PLS1: variants seen among roughly 807,000 people sequenced by gnomAD.
PLS1 encodes the protein plastin-1.
Under a neutral mutation model 73.7 loss-of-function variants are expected in PLS1, and 32 were observed. That is an observed-to-expected ratio of 0.43 (90% CI 0.33 to 0.58). PLS1 has a LOEUF of 0.58. Ranked by LOEUF, PLS1 falls within the 20% of genes least tolerant of loss-of-function variation. The pLI, the probability that PLS1 is intolerant of heterozygous loss-of-function variation, is 0.04. For missense variants in PLS1, 633 were observed against 740.5 expected, an observed-to-expected ratio of 0.85 and a Z score of 1.68; for synonymous variants, 217 against 261.3, an observed-to-expected ratio of 0.83 and a Z score of 1.63.
chr3:142,647,285 T>C lies in PLS1; in HGVS notation c.-36-16917T>C, dbSNP rs183866759. Among the ~76,000 whole-genome samples the C allele has an allele frequency of 7.2e-5, 11 of 152,340 alleles. No individual in the cohort carries two copies. The East Asian group carries it at 2.1e-3, about 29-fold the overall frequency. On this transcript the variant is annotated intron_variant, in intron 1 of 15. Coordinates refer to ENST00000457734, the MANE Select transcript of PLS1 (RefSeq NM_001145319.2). ...ATCTATATTGTATTGCATCAACTTA[T>C]CACCTTAGGAGTTTCTTTAGGATAA...
Position 142,689,599 on chromosome 3 carries a change from T to A in PLS1, c.982-19T>A. ...CCAATTAAAACTTCAATTGTAACCA[T>A]TTTTGTTTTATTGTTTAGGAGACAA... On this transcript the variant is annotated intron_variant, in intron 9 of 15. Coordinates refer to ENST00000457734, the MANE Select transcript of PLS1 (RefSeq NM_001145319.2). 1 of 1,463,530 alleles carries A rather than the reference T, an allele frequency of 6.8e-7. No homozygotes were observed. The highest frequency in any genetic ancestry group is 9.1e-7 in the Non-Finnish European group (1 of 1,098,866). 90.7% of individuals were successfully genotyped at this position (1,463,530 alleles called of 1,614,324 possible).
intron 1 of PLS1, among the ~76,000 whole-genome samples, chr3:142,614,893 T>C (rs149269201): frequency 6.6e-6 from 1 of 151,928 alleles, no homozygotes; most frequent in Non-Finnish European, 1.5e-5. Context: ...CTGGAAGTGT[T>C]GAATGCTGTT....
At chr3:142,686,429 AATTTACC>A in intron 9 of PLS1, 53 bp downstream of exon 9, 1 of 1,060,888 alleles carries the variant, frequency 9.4e-7, no homozygotes, top group Non-Finnish European at 1.5e-6. Flanking sequence ...AGACGTAGAA[AATTTACC>A]ATTTTTATCA....
At chr3:142,643,417 G>C (rs911789103) in intron 1 of PLS1, among the ~76,000 whole-genome samples, 2 of 152,224 alleles carry the variant, frequency 1.3e-5, no homozygotes, top group African/African-American at 4.8e-5. Flanking sequence ...TGCATTGCCA[G>C]GTTGGCTGTA....
chr3:142,676,662 T>C (rs1389678614), intron 5 of PLS1, among the ~76,000 whole-genome samples: 1 of 152,216 alleles, frequency 6.6e-6, no homozygotes, highest in Non-Finnish European at 1.5e-5. Context: ...AAGATATTCC[T>C]TATTTGTACC....
intron 6 of PLS1, among the ~76,000 whole-genome samples, chr3:142,683,434 G>C (rs1240702119): frequency 6.6e-6 from 1 of 152,234 alleles, no homozygotes; most frequent in Non-Finnish European, 1.5e-5. Flanking sequence ...AGCCCAGGAG[G>C]CGGAGCTTGC....
At chr3:142,599,190 AAATAAAT>A (rs927978579) in intron 1 of PLS1, among the ~76,000 whole-genome samples, 1 of 151,302 alleles carries the variant, frequency 6.6e-6, no homozygotes, top group African/African-American at 2.4e-5. Context: ...ATAAATAAAT[AAATAAAT>A]AAATAAATAA....
intron 1 of PLS1, among the ~76,000 whole-genome samples, chr3:142,655,369 T>G (rs2037201711): frequency 6.6e-6 from 1 of 152,150 alleles, no homozygotes; most frequent in Non-Finnish European, 1.5e-5. Context: ...AGTCCCAATG[T>G]TAAAATAACA....
intron 1 of PLS1, among the ~76,000 whole-genome samples, chr3:142,643,388 C>G (rs2108618167): frequency 1.3e-5 from 2 of 152,294 alleles, no homozygotes; most frequent in Middle Eastern, 6.8e-3. Flanking sequence ...AAGTCTTAAG[C>G]AAGATATTTC....
At chr3:142,602,570 G>A (rs1487102226) in intron 1 of PLS1, among the ~76,000 whole-genome samples, 1 of 152,060 alleles carries the variant, frequency 6.6e-6, no homozygotes, top group Non-Finnish European at 1.5e-5. Flanking sequence ...CTCAGGAAAG[G>A]CCCCAGGTCA....
chr3:142,698,896 T>TA (rs1166667947), intron 12 of PLS1, among the ~76,000 whole-genome samples: 1 of 152,180 alleles, frequency 6.6e-6, no homozygotes, highest in Non-Finnish European at 1.5e-5. Context: ...GCAATGTTTA[T>TA]ACAGCACACA....
chr3:142,602,658 C>A (rs2035948332), intron 1 of PLS1, among the ~76,000 whole-genome samples: 1 of 152,062 alleles, frequency 6.6e-6, no homozygotes, highest in African/African-American at 2.4e-5. Context: ...CCTCTCCCTC[C>A]TCTTGATGAA....
intron 5 of PLS1, among the ~76,000 whole-genome samples, chr3:142,677,619 G>T (rs1191002560): frequency 6.6e-6 from 1 of 151,986 alleles, no homozygotes; most frequent in Non-Finnish European, 1.5e-5. Flanking sequence ...ATTCCAGCCT[G>T]GGTGACAGAG....
At chr3:142,623,007 G>A (rs2036345608) in intron 1 of PLS1, among the ~76,000 whole-genome samples, 1 of 152,012 alleles carries the variant, frequency 6.6e-6, no homozygotes, top group African/African-American at 2.4e-5. Flanking sequence ...GAGTGCAGTG[G>A]CTATTCACAG....
chr3:142,620,586 C>A (rs752129883), intron 1 of PLS1, among the ~76,000 whole-genome samples: 2 of 152,258 alleles, frequency 1.3e-5, no homozygotes, highest in South Asian at 2.1e-4. Context: ...ATAGTAAATT[C>A]TTTTCTAAAT....
chr3:142,656,170 C>A (rs139629796), intron 1 of PLS1, among the ~76,000 whole-genome samples: 1,846 of 152,264 alleles, frequency 0.012, 8 homozygotes, highest in Non-Finnish European at 0.017. Context: ...CCATGTTGGC[C>A]AGGCTGGTCT....
At chr3:142,607,946 T>A (rs556934514) in intron 1 of PLS1, among the ~76,000 whole-genome samples, 45 of 152,256 alleles carry the variant, frequency 3.0e-4, no homozygotes, top group Non-Finnish European at 5.9e-4. Context: ...TTGATCAGAA[T>A]TGGAAATCAG....
chr3:142,707,102 G>C (rs1577917135), intron 14 of PLS1, among the ~76,000 whole-genome samples: 2 of 152,162 alleles, frequency 1.3e-5, no homozygotes, highest in Non-Finnish European at 2.9e-5. Flanking sequence ...TAGAACTGAG[G>C]TGGCAGAAAC....
At chr3:142,604,119 A>G (rs1328921479) in intron 1 of PLS1, among the ~76,000 whole-genome samples, 8 of 152,202 alleles carry the variant, frequency 5.3e-5, no homozygotes, top group Admixed American at 3.9e-4. Flanking sequence ...AGAACTAAGA[A>G]ATAAGAGATT....
Sources: gnomAD v4.1 joint callset for allele counts (sites outside exome capture counted in the v4.1 genomes callset) on GRCh38, gnomAD v4.1.1 for gene constraint, MANE v1.5 for transcripts, NCBI Gene and HGNC (gene_info 2026-07-23, HGNC 2026-07-21) for gene names.